The following TAFA4 variants were observed in gnomAD, a reference collection of about 807,000 sequenced individuals.
The protein encoded by TAFA4 is TAFA chemokine like family member 4.
TAFA4 carries 20 observed loss-of-function variants against 21.1 expected under a neutral mutation model. The ratio of observed to expected loss-of-function variants is 0.95; its 90% CI spans 0.67 to 1.38. TAFA4 has a LOEUF of 1.38. Ranked by LOEUF, TAFA4 falls within the 40% of genes most tolerant of loss-of-function variation. TAFA4 has a pLI of 0.00. For missense variants in TAFA4, 211 were observed against 180.9 expected (o/e 1.17, Z -0.95); for synonymous variants, 71 against 67.4 (o/e 1.05, Z -0.26).
intron 1 of TAFA4, among the ~76,000 whole-genome samples, chr3:68,888,616 T>TA (rs1293386436): frequency 2.0e-5 from 3 of 152,082 alleles, no homozygotes; most frequent in Non-Finnish European, 4.4e-5. Context: ...AGAATACCTT[T>TA]AAAAAAATCT....
intron 3 of TAFA4, among the ~76,000 whole-genome samples, chr3:68,760,175 C>G (rs1308559235): frequency 1.3e-5 from 2 of 152,098 alleles, no homozygotes; most frequent in African/African-American, 2.4e-5. Flanking sequence ...TTATGATAAT[C>G]CTTACAACAA....
intron 1 of TAFA4, among the ~76,000 whole-genome samples, chr3:68,912,455 G>A (rs1422124577): frequency 2.0e-5 from 3 of 152,208 alleles, no homozygotes; most frequent in Non-Finnish European, 4.4e-5. Context: ...AATTTGAAAT[G>A]GGATGAGCCA....
intron 1 of TAFA4, among the ~76,000 whole-genome samples, chr3:68,886,642 C>T (rs747516230): frequency 8.5e-5 from 13 of 152,066 alleles, no homozygotes; most frequent in East Asian, 1.9e-4. Flanking sequence ...GAAAGTAATG[C>T]GACCTAATAG....
chr3:68,821,030 T>C (rs4855526), intron 3 of TAFA4, among the ~76,000 whole-genome samples: 4,315 of 152,302 alleles, frequency 0.028, 244 homozygotes, highest in East Asian at 0.24. Context: ...CTTAGTAGTA[T>C]GGAAATGCAT....
chr3:68,770,099 AT>A (rs1272009237), intron 3 of TAFA4, among the ~76,000 whole-genome samples: 1 of 152,202 alleles, frequency 6.6e-6, no homozygotes, highest in Non-Finnish European at 1.5e-5. Flanking sequence ...TGAAAAAAAA[AT>A]ATATCTAAAT....
intron 3 of TAFA4, among the ~76,000 whole-genome samples, chr3:68,781,173 C>A (rs1479856727): frequency 6.7e-6 from 1 of 148,294 alleles, no homozygotes; most frequent in African/African-American, 2.5e-5. Context: ...AAAAATAGAT[C>A]CTTATATTCA....
At chr3:68,830,623 T>C (rs1334642645) in intron 3 of TAFA4, among the ~76,000 whole-genome samples, 1 of 152,236 alleles carries the variant, frequency 6.6e-6, no homozygotes, top group Non-Finnish European at 1.5e-5. Flanking sequence ...TGGTCACTTT[T>C]GGAATAAGTG....
chr3:68,735,733 T>C (rs375932126), intron 5 of TAFA4, among the ~76,000 whole-genome samples: 1 of 152,042 alleles, frequency 6.6e-6, no homozygotes, highest in African/African-American at 2.4e-5. Context: ...ATTTAGACAA[T>C]AGAAACTTTG....
intron 4 of TAFA4, 53 bp downstream of exon 4, chr3:68,752,809 TG>T: frequency 6.2e-7 from 1 of 1,611,166 alleles, no homozygotes. Flanking sequence ...GGGAAATTCC[TG>T]GTGGGTTTTG....
At chr3:68,843,794 G>A (rs2106898258) in intron 3 of TAFA4, among the ~76,000 whole-genome samples, 2 of 152,324 alleles carry the variant, frequency 1.3e-5, no homozygotes, top group South Asian at 4.1e-4. Context: ...TTTGTCATTG[G>A]TTCTGTTTAA....
At chr3:68,875,961 TAAAAG>T (rs1358047662) in intron 3 of TAFA4, among the ~76,000 whole-genome samples, 1 of 150,622 alleles carries the variant, frequency 6.6e-6, no homozygotes, top group Non-Finnish European at 1.5e-5. Flanking sequence ...AAATAAAACA[TAAAAG>T]AAATTAAGTG....
intron 1 of TAFA4, among the ~76,000 whole-genome samples, chr3:68,906,617 A>C (rs2089903413): frequency 6.6e-6 from 1 of 152,126 alleles, no homozygotes; most frequent in African/African-American, 2.4e-5. Context: ...CAACAGCTCT[A>C]GGACTTTGTT....
intron 3 of TAFA4, among the ~76,000 whole-genome samples, chr3:68,801,257 A>G (rs369261129): frequency 2.0e-4 from 30 of 152,192 alleles, no homozygotes; most frequent in Admixed American, 5.9e-4. Context: ...CTGGGCCAAA[A>G]TATCGGAAGG....
chr3:68,877,337 T>C (rs1429757632), intron 3 of TAFA4, among the ~76,000 whole-genome samples: 2 of 152,088 alleles, frequency 1.3e-5, no homozygotes, highest in African/African-American at 4.8e-5. Context: ...CCAGCATAAG[T>C]GACAGAGGGA....
At chr3:68,785,769 G>A (rs1175907492) in intron 3 of TAFA4, among the ~76,000 whole-genome samples, 1 of 152,218 alleles carries the variant, frequency 6.6e-6, no homozygotes, top group African/African-American at 2.4e-5. Flanking sequence ...GGGAGCCCAG[G>A]CAGAGGAGGT....
chr3:68,812,662 C>A (rs1349934071), intron 3 of TAFA4, among the ~76,000 whole-genome samples: 11 of 152,256 alleles, frequency 7.2e-5, no homozygotes, highest in Admixed American at 6.5e-4. Context: ...CAGGAGCACC[C>A]AGATTCATAA....
At chr3:68,742,708 A>G (rs1233760785) in intron 4 of TAFA4, among the ~76,000 whole-genome samples, 1 of 152,174 alleles carries the variant, frequency 6.6e-6, no homozygotes, top group African/African-American at 2.4e-5. Flanking sequence ...TTGTTCCCCA[A>G]AACCTTTTGA....
intron 1 of TAFA4, among the ~76,000 whole-genome samples, chr3:68,915,822 C>G (rs770095751): frequency 2.6e-5 from 4 of 152,038 alleles, no homozygotes; most frequent in Non-Finnish European, 5.9e-5. Context: ...ATAATCATAC[C>G]CAGCCCACCA....
rs1702171349 is a variant in TAFA4 at position 68,732,722 on chromosome 3, CA to C, written c.*419del. ...AAATCTTTTTAGACCCCTTTAAAAC[CA>C]CTTTAATACAAGGACAAAAGGAAAA... is the stretch of plus-strand genomic sequence containing the variant. On this transcript the variant is annotated 3_prime_UTR_variant, in exon 6 of 6. Transcript: ENST00000295569. 1 of 162,888 alleles carries C rather than the reference CA, an allele frequency of 6.1e-6. No homozygotes were observed. The highest frequency in any genetic ancestry group is 1.3e-5 in the Non-Finnish European group (1 of 75,526). The allele number at this position is 162,888 out of a possible 1,614,324, so 10.1% of individuals were successfully genotyped here.
Sources: gnomAD v4.1 joint callset for allele counts (sites outside exome capture counted in the v4.1 genomes callset) on GRCh38, gnomAD v4.1.1 for gene constraint, MANE v1.5 for transcripts, NCBI Gene and HGNC (gene_info 2026-07-23, HGNC 2026-07-21) for gene names.